Variants in SHISA9 observed in about 807,000 individuals in gnomAD.
SHISA9 encodes the protein protein shisa-9.
SHISA9 carries 13 observed loss-of-function variants against 38.0 expected under a neutral mutation model. The ratio of observed to expected loss-of-function variants is 0.34; its 90% CI spans 0.22 to 0.54. SHISA9 has a LOEUF of 0.54. SHISA9 is among the 20% of genes least tolerant of loss of function. SHISA9 has a pLI of 0.91. For synonymous variants in SHISA9, 275 were observed against 242.0 expected (o/e 1.14, Z -1.27); for missense variants, 538 against 575.8 (o/e 0.93, Z 0.67).
At chr16:13,372,330 T>A in the SHISA9 span, among the ~76,000 whole-genome samples, 44 of 152,166 alleles carry the variant, frequency 2.9e-4, no homozygotes, top group African/African-American at 1.0e-3. Flanking sequence ...CATGGGAAAA[T>A]AAGGCTGATG....
At position 13,188,515 on chromosome 16, in the gene SHISA9, C is replaced by T. The variant is rs146391540; in HGVS notation, c.692-14879C>T. Among the ~76,000 whole-genome samples, 66 of 151,900 alleles carry T rather than the reference C, an allele frequency of 4.3e-4. 2 individuals are homozygous for T. The highest frequency in any genetic ancestry group is 6.8e-3 in the Middle Eastern group (2 of 294). On this transcript the variant is annotated intron_variant, in intron 2 of 4. Coordinates refer to ENST00000558583, the MANE Select transcript of SHISA9 (RefSeq NM_001145204.3). The stretch of plus-strand genomic sequence containing the variant: ...AGAGGATGGCTTGAGCCTAGGAGTT[C>T]GAGACCAGCCTTGGAAACACAGCAA...
chr16:12,906,422 G>T lies in SHISA9; in HGVS notation c.563+3795G>T, dbSNP rs9939974. On this transcript the variant is annotated intron_variant, in intron 1 of 4. Coordinates refer to ENST00000558583, the MANE Select transcript of SHISA9 (RefSeq NM_001145204.3). ...GCCTGCTTGCTTCTGGGCTAATTAG[G>T]GCTGAGAAAAGGAGAAAGACAGCAA... Among the ~76,000 whole-genome samples, 1,245 of 152,188 alleles carry T rather than the reference G, an allele frequency of 8.2e-3. 20 individuals carry two copies. Among genetic ancestry groups the T allele is most frequent in the African/African-American group, 0.028 (1,176 of 41,506 alleles).
intron 2 of SHISA9, among the ~76,000 whole-genome samples, chr16:13,081,593 C>G (rs568740397): frequency 6.6e-6 from 1 of 151,934 alleles, no homozygotes; most frequent in Admixed American, 6.5e-5. Context: ...CTCCTCCACC[C>G]GTGATTCCAC....
chr16:13,311,387 C>T, the SHISA9 span, among the ~76,000 whole-genome samples: 1 of 152,024 alleles, frequency 6.6e-6, no homozygotes, highest in East Asian at 1.9e-4. Context: ...GAAATATAAG[C>T]TTAAATGAGA....
chr16:13,032,003 A>G (rs1388058709), intron 2 of SHISA9, among the ~76,000 whole-genome samples: 1 of 150,474 alleles, frequency 6.6e-6, no homozygotes. Context: ...CCAACTTTCA[A>G]CTTTTTTTTT....
intron 2 of SHISA9, among the ~76,000 whole-genome samples, chr16:13,177,045 C>A (rs948314411): frequency 1.3e-5 from 2 of 152,176 alleles, no homozygotes; most frequent in Non-Finnish European, 2.9e-5. Context: ...AAGCCTGATT[C>A]TCTCTGCATT....
chr16:13,561,698 G>T, the SHISA9 span, among the ~76,000 whole-genome samples: 1 of 152,232 alleles, frequency 6.6e-6, no homozygotes, highest in Non-Finnish European at 1.5e-5. Flanking sequence ...GCAGGTCAAG[G>T]TAGTGACCTG....
intron 2 of SHISA9, among the ~76,000 whole-genome samples, chr16:12,924,614 T>A (rs966072323): frequency 6.6e-6 from 1 of 152,066 alleles, no homozygotes; most frequent in Non-Finnish European, 1.5e-5. Context: ...TTACTAAGAG[T>A]GAGGGGATGC....
the SHISA9 span, among the ~76,000 whole-genome samples, chr16:13,272,851 A>G: frequency 6.6e-6 from 1 of 152,134 alleles, no homozygotes; most frequent in African/African-American, 2.4e-5. Context: ...TACCATCAGA[A>G]CTATACCTAT....
At chr16:13,511,171 A>G in the SHISA9 span, among the ~76,000 whole-genome samples, 2 of 152,232 alleles carry the variant, frequency 1.3e-5, no homozygotes, top group African/African-American at 2.4e-5. Flanking sequence ...AAAGTCATTC[A>G]TAAGTAGAAA....
intron 2 of SHISA9, among the ~76,000 whole-genome samples, chr16:12,939,497 C>G (rs758385229): frequency 2.6e-5 from 4 of 152,152 alleles, no homozygotes; most frequent in Non-Finnish European, 4.4e-5. Context: ...TTTCATTGTA[C>G]TTTGAATGGA....
chr16:13,345,813 T>C, the SHISA9 span, among the ~76,000 whole-genome samples: 60 of 152,310 alleles, frequency 3.9e-4, no homozygotes, highest in African/African-American at 1.2e-3. Flanking sequence ...TTAGATAATA[T>C]CTCATTGTGG....
intron 2 of SHISA9, among the ~76,000 whole-genome samples, chr16:13,083,192 T>C (rs768173905): frequency 2.6e-5 from 4 of 152,186 alleles, no homozygotes; most frequent in African/African-American, 4.8e-5. Flanking sequence ...TCTCTGTTTC[T>C]CCTGGCAGTT....
intron 2 of SHISA9, among the ~76,000 whole-genome samples, chr16:13,193,065 C>T (rs917831225): frequency 8.5e-5 from 13 of 152,222 alleles, no homozygotes; most frequent in African/African-American, 3.1e-4. Flanking sequence ...TTATTCAAGA[C>T]AGAAGGAAGT....
At chr16:13,271,607 T>C in the SHISA9 span, among the ~76,000 whole-genome samples, 2 of 152,068 alleles carry the variant, frequency 1.3e-5, no homozygotes, top group Non-Finnish European at 2.9e-5. Flanking sequence ...AAATATATTA[T>C]GTAAAGTGAA....
At chr16:13,454,334 G>A in the SHISA9 span, among the ~76,000 whole-genome samples, 21 of 152,326 alleles carry the variant, frequency 1.4e-4, no homozygotes, top group East Asian at 3.3e-3. Context: ...AAAGATGCAG[G>A]CAGAGTAGGA....
At chr16:13,108,704 A>T (rs969837857) in intron 2 of SHISA9, among the ~76,000 whole-genome samples, 5 of 152,228 alleles carry the variant, frequency 3.3e-5, no homozygotes, top group African/African-American at 1.2e-4. Context: ...GCAGATTAGG[A>T]TGGAGCAAGA....
At chr16:12,925,775 A>G (rs1252049538) in intron 2 of SHISA9, among the ~76,000 whole-genome samples, 2 of 152,230 alleles carry the variant, frequency 1.3e-5, no homozygotes, top group Non-Finnish European at 2.9e-5. Flanking sequence ...ATCTGGATTA[A>G]GTGATAGGAA....
chr16:13,540,234 A>G, the SHISA9 span, among the ~76,000 whole-genome samples: 2 of 151,790 alleles, frequency 1.3e-5, no homozygotes, highest in Admixed American at 6.6e-5. Flanking sequence ...TAAACCTCCT[A>G]TAGCAGATCA....
Sources: gnomAD v4.1 joint callset for allele counts (sites outside exome capture counted in the v4.1 genomes callset) on GRCh38, gnomAD v4.1.1 for gene constraint, MANE v1.5 for transcripts, NCBI Gene and HGNC (gene_info 2026-07-23, HGNC 2026-07-21) for gene names.